Variants in LRBA observed in about 807,000 individuals in gnomAD.
The protein encoded by LRBA is LPS responsive beige-like anchor protein, also known as lipopolysaccharide-responsive and beige-like anchor protein.
In LRBA, 176 loss-of-function variants were observed where a neutral mutation model predicts 330.0. That is an observed-to-expected ratio of 0.53 (90% CI 0.47 to 0.60). LRBA has a LOEUF of 0.60. Ranked by LOEUF, LRBA falls within the 20% of genes least tolerant of loss-of-function variation. The probability of loss-of-function intolerance (pLI) is 0.00; values close to 1 mark genes in which losing one functional copy is unlikely to be tolerated. For synonymous variants in LRBA, 1,230 were observed against 1,193.0 expected, an observed-to-expected ratio of 1.03 and a Z score of -0.64; for missense variants, 3,259 against 3,444.8, an observed-to-expected ratio of 0.95 and a Z score of 1.35.
intron 38 of LRBA, among the ~76,000 whole-genome samples, chr4:150,592,772 T>C (rs1232038548): frequency 6.6e-6 from 1 of 152,026 alleles, no homozygotes; most frequent in Admixed American, 6.6e-5. Context: ...GGACCACAGG[T>C]GCTTGCCACC....
intron 47 of LRBA, among the ~76,000 whole-genome samples, chr4:150,376,923 C>T (rs543883453): frequency 4.6e-5 from 7 of 151,996 alleles, no homozygotes; most frequent in African/African-American, 1.7e-4. Context: ...ATATATAAAC[C>T]TGGGACCCTC....
At chr4:150,938,886 C>G (rs576033410) in intron 2 of LRBA, among the ~76,000 whole-genome samples, 3 of 152,134 alleles carry the variant, frequency 2.0e-5, no homozygotes, top group Non-Finnish European at 2.9e-5. Flanking sequence ...TATATTCTGA[C>G]TAATATAGAT....
intron 40 of LRBA, among the ~76,000 whole-genome samples, chr4:150,578,402 AT>A (rs1212257273): frequency 3.3e-5 from 5 of 152,054 alleles, no homozygotes; most frequent in East Asian, 1.9e-4. Context: ...AAATATGCCA[AT>A]TTTTTTTGAA....
intron 48 of LRBA, among the ~76,000 whole-genome samples, chr4:150,347,388 G>A (rs1736522606): frequency 6.6e-6 from 1 of 152,198 alleles, no homozygotes. Context: ...GCTCAGGTCT[G>A]TAATCCCAGC....
At chr4:150,841,076 A>T in intron 28 of LRBA, 1 of 816,632 alleles carries the variant, frequency 1.2e-6, no homozygotes, top group Non-Finnish European at 1.7e-6. Flanking sequence ...ACAAAGGTAC[A>T]TTTGTCTTTT....
chr4:150,584,835 T>C (rs1771893729), intron 40 of LRBA: 2 of 153,618 alleles, frequency 1.3e-5, no homozygotes, highest in Non-Finnish European at 2.9e-5. Flanking sequence ...GTACATTTTG[T>C]AGAATTGACT....
Position 150,896,426 on chromosome 4 carries a change from C to A in LRBA, c.2035G>T (p.Ala679Ser). 1 of 1,544,892 alleles carries A rather than the reference C, an allele frequency of 6.5e-7. No homozygotes were observed. Among genetic ancestry groups the A allele is most frequent in the African/African-American group, 1.4e-5 (1 of 72,848 alleles). Residue 679 changes from alanine (A) to serine (S), a missense_variant, in exon 16 of 57, where the codon GCC becomes TCC. Physicochemically the swap from Ala to Ser is moderately conservative, Grantham distance 99. Coordinates refer to ENST00000651943, the MANE Select transcript of LRBA (RefSeq NM_001364905.1). ...DSGVKEDELQ[A>S]ILNYLLTMHE... ...ATAGTCAGTAGGTAATTAAGAATGGCCTGTAATTCATCTTCCTTTACTCCA... is the reference window on the plus strand; with the variant it reads ...ATAGTCAGTAGGTAATTAAGAATGGACTGTAATTCATCTTCCTTTACTCCA...
chr4:150,776,525 T>C (rs749814166), intron 34 of LRBA, among the ~76,000 whole-genome samples: 28 of 152,122 alleles, frequency 1.8e-4, no homozygotes, highest in Non-Finnish European at 3.2e-4. Context: ...TTAAAAATCA[T>C]ATGCCCAGCT....
At chr4:150,334,546 A>G (rs1157223426) in intron 48 of LRBA, among the ~76,000 whole-genome samples, 1 of 152,102 alleles carries the variant, frequency 6.6e-6, no homozygotes, top group East Asian at 1.9e-4. Context: ...TTATGTGCAT[A>G]CATACATACA....
At chr4:150,713,836 A>G (rs1786473049) in intron 36 of LRBA, among the ~76,000 whole-genome samples, 1 of 152,328 alleles carries the variant, frequency 6.6e-6, no homozygotes, top group Non-Finnish European at 1.5e-5. Context: ...GACAAATACA[A>G]TTATCACATT....
At chr4:151,011,030 A>G (rs1744774750) in intron 2 of LRBA, among the ~76,000 whole-genome samples, 1 of 152,020 alleles carries the variant, frequency 6.6e-6, no homozygotes, top group South Asian at 2.1e-4. Context: ...TACTAAAAAT[A>G]CAAAAAATTA....
chr4:150,671,877 C>A lies in LRBA; in HGVS notation c.5921+11674G>T, dbSNP rs77863173. Reference sequence around the variant, plus strand: ...GAAATGAATGCCTGAGTACAGACAACTGACAATAGACAACTATTGCAAATT... The same window carrying A: ...GAAATGAATGCCTGAGTACAGACAAATGACAATAGACAACTATTGCAAATT... On this transcript the variant is annotated intron_variant, in intron 37 of 56. Transcript: ENST00000651943. 7.6e-3 allele frequency among the ~76,000 whole-genome samples: 1,156 copies of A among 152,168 alleles called. 4 individuals are homozygous for A. The highest frequency in any genetic ancestry group is 0.013 in the Non-Finnish European group (862 of 68,014).
chr4:150,506,452 C>T (rs1349517478), intron 40 of LRBA, among the ~76,000 whole-genome samples: 1 of 152,120 alleles, frequency 6.6e-6, no homozygotes, highest in African/African-American at 2.4e-5. Context: ...TAATCCAGAA[C>T]ATAAACAGAA....
intron 40 of LRBA, chr4:150,579,420 T>C: frequency 2.3e-6 from 1 of 436,572 alleles, no homozygotes; most frequent in Non-Finnish European, 4.6e-6. Flanking sequence ...TTGCTGGAAG[T>C]GTTTAAGTTT....
At chr4:150,553,742 A>T in intron 40 of LRBA, among the ~76,000 whole-genome samples, 1 of 152,188 alleles carries the variant, frequency 6.6e-6, no homozygotes, top group African/African-American at 2.4e-5. Context: ...CTAAAAATAG[A>T]CACTAGAGAA....
intron 38 of LRBA, among the ~76,000 whole-genome samples, chr4:150,598,612 G>A (rs374117438): frequency 2.3e-4 from 35 of 152,156 alleles, no homozygotes; most frequent in East Asian, 7.7e-4. Flanking sequence ...AGGATTGGGC[G>A]AAAACCATGT....
chr4:150,785,657 T>C (rs969969793), intron 34 of LRBA, among the ~76,000 whole-genome samples: 1 of 152,098 alleles, frequency 6.6e-6, no homozygotes, highest in Non-Finnish European at 1.5e-5. Context: ...CAAATTCTAC[T>C]AGGACTCAGG....
intron 34 of LRBA, among the ~76,000 whole-genome samples, chr4:150,775,675 A>G (rs886877544): frequency 2.6e-5 from 4 of 152,104 alleles, no homozygotes; most frequent in African/African-American, 9.7e-5. Context: ...ATAAATATCC[A>G]GTGGGTTTAA....
intron 2 of LRBA, among the ~76,000 whole-genome samples, chr4:150,961,147 G>T (rs1465639424): frequency 1.3e-5 from 2 of 149,124 alleles, no homozygotes; most frequent in African/African-American, 5.2e-5. Context: ...ATGAGATTCA[G>T]CTGTGGGTGG....
Sources: allele counts gnomAD v4.1 joint callset (sites outside exome capture counted in the v4.1 genomes callset), GRCh38; gene constraint gnomAD v4.1.1; transcripts MANE v1.5; gene names NCBI Gene and HGNC (gene_info 2026-07-23, HGNC 2026-07-21).